The following MKRN2 variants were observed in gnomAD, a reference collection of about 807,000 sequenced individuals.
MKRN2 encodes the protein E3 ubiquitin-protein ligase makorin-2.
Under a neutral mutation model 45.4 loss-of-function variants are expected in MKRN2, and 32 were observed. The ratio of observed to expected loss-of-function variants is 0.70; its 90% CI spans 0.53 to 0.95. The LOEUF is 0.95. Among genes scored for constraint, MKRN2 ranks in the 40% least tolerant of loss-of-function variants. MKRN2 has a pLI of 0.00. For missense variants in MKRN2, 526 were observed against 536.7 expected, an observed-to-expected ratio of 0.98 and a Z score of 0.20; for synonymous variants, 206 against 192.4, an observed-to-expected ratio of 1.07 and a Z score of -0.59.
At chr3:12,576,931 G>GTTT in intron 6 of MKRN2, 190 bp downstream of exon 6, 1 of 122,144 alleles carries the variant, frequency 8.2e-6, no homozygotes, top group Non-Finnish European at 1.5e-5. Context: ...TTTAGTTTTG[G>GTTT]TGTTTTTTTT....
Position 12,572,243 on chromosome 3 carries a change from G to A in MKRN2, c.512G>A (p.Cys171Tyr), listed in dbSNP as rs1218634359. The A allele has an allele frequency of 1.2e-6, 2 of 1,614,126 alleles. No homozygotes were observed. The highest frequency in any genetic ancestry group is 1.1e-5 in the South Asian group (1 of 91,086). Residue 171 changes from cysteine (C) to tyrosine (Y), a missense_variant, in exon 4 of 8, where the codon TGC becomes TAC. Coordinates refer to ENST00000170447, the MANE Select transcript of MKRN2 (RefSeq NM_014160.5). ...TCCTACAGCAACGAGCAGCAGCTGT[G>A]CCCCTACGCAGCTGCTGGGGAGTGC... ...SSSYSNEQQL[C>Y]PYAAAGECRF...
intron 6 of MKRN2, among the ~76,000 whole-genome samples, chr3:12,578,880 T>TTTTA (rs11450449): frequency 6.8e-6 from 1 of 147,050 alleles, no homozygotes; most frequent in Admixed American, 6.8e-5. Context: ...TTTTTTTTTT[T>TTTTA]ACCATTTTTT....
rs1274241359 is a variant in MKRN2 at position 12,557,139 on chromosome 3, A to G, written c.-12A>G. On this transcript the variant is annotated 5_prime_UTR_variant, in exon 1 of 8. Transcript: ENST00000170447. Reference sequence around the variant, plus strand: ...GGCGGCGGCACGACGACGGTCCCTCAGCCCAGCCACCATGAGCACCAAGCA... The same window carrying G: ...GGCGGCGGCACGACGACGGTCCCTCGGCCCAGCCACCATGAGCACCAAGCA... 3 of 1,512,170 alleles carry G rather than the reference A, an allele frequency of 2.0e-6. No individual in the cohort carries two copies. The highest frequency in any genetic ancestry group is 2.5e-5 in the South Asian group (2 of 80,662). 93.7% of individuals were successfully genotyped at this position (1,512,170 alleles called of 1,614,324 possible). A position where few individuals can be genotyped will look rare whatever the true frequency, so the allele number is the denominator to read the frequency against.
chr3:12,573,572 T>A (rs2058112923), intron 4 of MKRN2, among the ~76,000 whole-genome samples: 2 of 151,590 alleles, frequency 1.3e-5, no homozygotes, highest in South Asian at 4.2e-4. Flanking sequence ...AAATGCCAGG[T>A]GTGGTGGCTT....
intron 5 of MKRN2, 136 bp downstream of exon 5, chr3:12,575,142 G>GGAAGAGTAAATGA: frequency 1.3e-6 from 1 of 759,204 alleles, no homozygotes; most frequent in African/African-American, 1.8e-5. Context: ...ATGAACTTCA[G>GGAAGAGTAAATGA]CAAGTCATTT....
intron 1 of MKRN2, among the ~76,000 whole-genome samples, chr3:12,557,382 G>A (rs1471541785): frequency 6.6e-6 from 1 of 152,248 alleles, no homozygotes; most frequent in African/African-American, 2.4e-5. Context: ...CGCTGGGCGA[G>A]GCCAGCGCGG....
intron 6 of MKRN2, among the ~76,000 whole-genome samples, chr3:12,578,061 C>T (rs1052606936): frequency 2.0e-5 from 3 of 152,158 alleles, no homozygotes; most frequent in Non-Finnish European, 4.4e-5. Context: ...GTTTTGCATT[C>T]GTAGCTGACT....
intron 6 of MKRN2, among the ~76,000 whole-genome samples, chr3:12,580,014 G>A (rs2058166961): frequency 6.6e-6 from 1 of 152,022 alleles, no homozygotes; most frequent in Non-Finnish European, 1.5e-5. Context: ...AGTGGCCCTG[G>A]CAGGCAGGCC....
intron 6 of MKRN2, among the ~76,000 whole-genome samples, chr3:12,581,215 A>C (rs2058176200): frequency 6.6e-6 from 1 of 152,118 alleles, no homozygotes; most frequent in Non-Finnish European, 1.5e-5. Context: ...GCATTGAAAA[A>C]CACTGTTCAG....
chr3:12,570,182 A>C lies in MKRN2; in HGVS notation c.267A>C (p.Ala89=), dbSNP rs766858584. ...HSPHPPSEVT[A]SIVKTNSHEP... ...CTCACCCTCCTTCCGAGGTCACTGC[A>C]TCCATTGTGAAAACTAACTCACATG... Residue 89 remains alanine, a synonymous_variant, in exon 3 of 8, where the codon GCA becomes GCC. Transcript: ENST00000170447. 1.1e-5 allele frequency: 18 copies of C among 1,614,184 alleles called. No individual in the cohort carries two copies. The highest frequency in any genetic ancestry group is 1.4e-5 in the Non-Finnish European group (17 of 1,180,036).
intron 1 of MKRN2, among the ~76,000 whole-genome samples, chr3:12,567,413 G>A (rs1375389824): frequency 4.6e-5 from 7 of 150,964 alleles, no homozygotes; most frequent in Admixed American, 4.6e-4. Context: ...TGAACCACAG[G>A]TGCATACCAC....
intron 1 of MKRN2, among the ~76,000 whole-genome samples, chr3:12,564,285 G>T (rs555613324): frequency 6.6e-6 from 1 of 152,230 alleles, no homozygotes; most frequent in Admixed American, 6.5e-5. Flanking sequence ...GGAATTGCCG[G>T]ATCATATGGT....
intron 1 of MKRN2, among the ~76,000 whole-genome samples, chr3:12,564,315 T>G (rs572654956): frequency 2.0e-5 from 3 of 152,220 alleles, no homozygotes; most frequent in Non-Finnish European, 4.4e-5. Context: ...TTTAATTTTT[T>G]AAGGAACTTC....
chr3:12,579,716 T>G (rs2058165492), intron 6 of MKRN2, among the ~76,000 whole-genome samples: 1 of 152,130 alleles, frequency 6.6e-6, no homozygotes, highest in Non-Finnish European at 1.5e-5. Context: ...GAGTGGCTCC[T>G]GGCATTGAAA....
At chr3:12,568,794 G>A (rs1217168772) in intron 1 of MKRN2, 81 bp from the exon 2 acceptor site, 3 of 1,536,922 alleles carry the variant, frequency 2.0e-6, no homozygotes. Context: ...GTAAATGTTT[G>A]TATGCTAAGT....
At chr3:12,576,794 C>T (rs1267932324) in intron 6 of MKRN2, 53 bp downstream of exon 6, 1 of 1,313,766 alleles carries the variant, frequency 7.6e-7, no homozygotes, top group Non-Finnish European at 1.1e-6. Flanking sequence ...GCTCTGCTGT[C>T]AGCCCGTGTC....
At chr3:12,578,469 C>T (rs1463462232) in intron 6 of MKRN2, among the ~76,000 whole-genome samples, 1 of 151,964 alleles carries the variant, frequency 6.6e-6, no homozygotes, top group Non-Finnish European at 1.5e-5. Flanking sequence ...AGGCGCATGC[C>T]GCCACGCCTG....
At chr3:12,577,465 C>T (rs2058148968) in intron 6 of MKRN2, among the ~76,000 whole-genome samples, 1 of 151,702 alleles carries the variant, frequency 6.6e-6, no homozygotes, top group African/African-American at 2.4e-5. Context: ...CATTCTTTTT[C>T]AATCTTTTTT....
chr3:12,581,656 C>A, intron 6 of MKRN2, 152 bp from the exon 7 acceptor site: 1 of 792,708 alleles, frequency 1.3e-6, no homozygotes, highest in Non-Finnish European at 2.0e-6. Flanking sequence ...TGAGACAAAT[C>A]ACTCAACCTC....
Sources: allele counts gnomAD v4.1 joint callset (sites outside exome capture counted in the v4.1 genomes callset), GRCh38; gene constraint gnomAD v4.1.1; transcripts MANE v1.5; gene names NCBI Gene and HGNC (gene_info 2026-07-23, HGNC 2026-07-21).